Variants in HIRA observed in about 807,000 individuals in gnomAD.
The protein encoded by HIRA is protein HIRA.
Under a neutral mutation model 126.6 loss-of-function variants are expected in HIRA, and 13 were observed. The ratio of observed to expected loss-of-function variants is 0.10; its 90% CI spans 0.07 to 0.16. The LOEUF is 0.16. Among genes scored for constraint, HIRA ranks in the 10% least tolerant of loss-of-function variants. HIRA has a pLI of 1.00. For missense variants in HIRA, 834 were observed against 1,314.4 expected (o/e 0.63, Z 5.65); for synonymous variants, 511 against 520.0 (o/e 0.98, Z 0.24).
At chr22:19,387,590 A>T in intron 11 of HIRA, 121 bp downstream of exon 11, 7 of 650,872 alleles carry the variant, frequency 1.1e-5, no homozygotes, top group Middle Eastern at 2.5e-4. Flanking sequence ...ATACCCCATT[A>T]CATGTTAAGA....
intron 15 of HIRA, among the ~76,000 whole-genome samples, chr22:19,373,931 C>CTTTTTTTTTTTTTT (rs1254884863): frequency 1.3e-5 from 2 of 149,794 alleles, no homozygotes. Flanking sequence ...ACTGCTCTGG[C>CTTTTTTTTTTTTTT]TTTTTTGTTC....
chr22:19,399,098 C>G (rs921836626), intron 5 of HIRA: 2 of 984,216 alleles, frequency 2.0e-6, no homozygotes, highest in African/African-American at 3.5e-5. Flanking sequence ...CGATGAGGGT[C>G]CGCTGTGACG....
Position 19,429,133 on chromosome 22 carries a change from C to CTTTT in HIRA, c.37+2303_37+2306dup, listed in dbSNP as rs57853722. Among the ~76,000 whole-genome samples the CTTTT allele has an allele frequency of 2.4e-3, 183 of 77,272 alleles. 3 individuals are homozygous for CTTTT. Among genetic ancestry groups the CTTTT allele is most frequent in the Non-Finnish European group, 2.7e-3 (120 of 44,090 alleles). The allele number at this position is 77,272 out of a possible 152,430, so 50.7% of individuals were successfully genotyped here. On this transcript the variant is annotated intron_variant, in intron 1 of 24. Coordinates refer to ENST00000263208, the MANE Select transcript of HIRA (RefSeq NM_003325.4). ...TCCCATCCTGCCAGAGTTGCCATAT[C>CTTTT]TTTTTTTTTTTTTTTTTTTTTTTTT...
At chr22:19,346,467 A>G (rs2069457612) in intron 24 of HIRA, among the ~76,000 whole-genome samples, 1 of 152,278 alleles carries the variant, frequency 6.6e-6, no homozygotes, top group African/African-American at 2.4e-5. Context: ...ACAGAAAAAA[A>G]GGAACAAATT....
In HIRA at chr22:19,331,129, T is replaced by C. The variant is rs575500782; in HGVS notation, c.*311A>G. The stretch of plus-strand genomic sequence containing the variant: ...GCAGCAGCAGGGGCTAGTGTCCACC[T>C]TGGGGCCGTGCTGGAGACGGCAGGC... On this transcript the variant is annotated 3_prime_UTR_variant, in exon 25 of 25. Coordinates refer to ENST00000263208, the MANE Select transcript of HIRA (RefSeq NM_003325.4). The C allele has an allele frequency of 1.9e-5, 25 of 1,301,788 alleles. No individual in the cohort carries two copies. In the Admixed American group the frequency reaches 4.7e-4, roughly 25 times the overall value. The allele number at this position is 1,301,788 out of a possible 1,614,324, so 80.6% of individuals were successfully genotyped here.
intron 8 of HIRA, among the ~76,000 whole-genome samples, chr22:19,393,847 A>G (rs988054113): frequency 1.3e-5 from 2 of 152,204 alleles, no homozygotes; most frequent in Non-Finnish European, 2.9e-5. Context: ...CTGTCAGGAC[A>G]CTATTTAATT....
chr22:19,364,029 C>T (rs1311207875), intron 15 of HIRA, among the ~76,000 whole-genome samples: 2 of 152,070 alleles, frequency 1.3e-5, no homozygotes, highest in East Asian at 1.9e-4. Context: ...TGACGGTGTG[C>T]CCCACTCTGG....
chr22:19,426,190 A>C (rs2089487065), intron 1 of HIRA, among the ~76,000 whole-genome samples: 1 of 152,068 alleles, frequency 6.6e-6, no homozygotes, highest in Admixed American at 6.5e-5. Context: ...CATCTCACCA[A>C]GACTAGAAAT....
Position 19,356,373 on chromosome 22 carries a change from T to C in HIRA, c.2397-85A>G, listed in dbSNP as rs2088812055. On this transcript the variant is annotated intron_variant, in intron 19 of 24. Transcript: ENST00000263208. ...CTTGGCTGCTCAGACACCCTGGCCC[T>C]ACTGCATGCGACCCTAACCCTGGCC... 6.8e-6 allele frequency: 8 copies of C among 1,178,256 alleles called. No homozygotes were observed. The East Asian group carries it at 1.9e-4, about 28-fold the overall frequency. 73.0% of individuals were successfully genotyped at this position (1,178,256 alleles called of 1,614,324 possible). A position where few individuals can be genotyped will look rare whatever the true frequency, so the allele number is the denominator to read the frequency against.
intron 12 of HIRA, among the ~76,000 whole-genome samples, chr22:19,384,431 T>C (rs760764420): frequency 6.6e-6 from 1 of 151,884 alleles, no homozygotes; most frequent in Admixed American, 6.6e-5. Context: ...TATATGTCAA[T>C]TGTACTTCAA....
At chr22:19,332,623 T>TAA (rs1179038893) in intron 24 of HIRA, among the ~76,000 whole-genome samples, 1 of 139,048 alleles carries the variant, frequency 7.2e-6, no homozygotes. Flanking sequence ...AAGAGAATGG[T>TAA]AAAAAAAAAA....
chr22:19,413,863 G>A (rs1217034706), intron 1 of HIRA, among the ~76,000 whole-genome samples: 1 of 152,036 alleles, frequency 6.6e-6, no homozygotes, highest in African/African-American at 2.4e-5. Context: ...GACCACCTCA[G>A]CCTCCCAAAG....
At chr22:19,396,334 G>A (rs2146230133) in intron 7 of HIRA, among the ~76,000 whole-genome samples, 1 of 152,258 alleles carries the variant, frequency 6.6e-6, no homozygotes, top group African/African-American at 2.4e-5. Flanking sequence ...TGGCCAACAT[G>A]GCGAAACCGC....
chr22:19,331,370 C>G lies in HIRA; in HGVS notation c.*70G>C. The stretch of plus-strand genomic sequence containing the variant: ...CCCTACAGCCTGGTCAGGTGAGAGG[C>G]GGTCCTGCATGTCATCAGCGGCGAG... On this transcript the variant is annotated 3_prime_UTR_variant, in exon 25 of 25. Coordinates refer to ENST00000263208, the MANE Select transcript of HIRA (RefSeq NM_003325.4). The G allele has an allele frequency of 6.2e-7, 1 of 1,606,798 alleles. No homozygotes were observed. The highest frequency in any genetic ancestry group is 8.5e-7 in the Non-Finnish European group (1 of 1,179,052).
At chr22:19,362,653 T>C (rs2088875123) in intron 15 of HIRA, among the ~76,000 whole-genome samples, 2 of 151,948 alleles carry the variant, frequency 1.3e-5, no homozygotes, top group East Asian at 2.0e-4. Flanking sequence ...ATCCACCTAC[T>C]GGGGTCAAGT....
chr22:19,394,194 G>T, intron 8 of HIRA, 148 bp downstream of exon 8: 2 of 939,786 alleles, frequency 2.1e-6, no homozygotes, highest in Non-Finnish European at 3.1e-6. Context: ...ATGTTCACAT[G>T]TAAAGTTTGC....
At chr22:19,383,200 G>C (rs2089092537) in intron 13 of HIRA, among the ~76,000 whole-genome samples, 2 of 151,958 alleles carry the variant, frequency 1.3e-5, no homozygotes, top group African/African-American at 4.8e-5. Context: ...GACTGTATCT[G>C]ATTATGGATA....
rs575951217 is a variant in HIRA at position 19,346,654 on chromosome 22, G to A, written c.2937+4704C>T. On this transcript the variant is annotated intron_variant, in intron 24 of 24. Coordinates refer to ENST00000263208, the MANE Select transcript of HIRA (RefSeq NM_003325.4). ...TGCCCAAGTGATTTAATGGTTGCCT[G>A]TGAGGCACAGACTAGTTTCTGGGAG... 1.3e-4 allele frequency among the ~76,000 whole-genome samples: 20 copies of A among 152,346 alleles called. 1 individual carries two copies. The South Asian group carries it at 4.1e-3, about 32-fold the overall frequency.
chr22:19,397,861 A>G (rs1315591767), intron 6 of HIRA, 131 bp downstream of exon 6: 1 of 603,392 alleles, frequency 1.7e-6, no homozygotes, highest in East Asian at 2.8e-5. Flanking sequence ...AGAAAAACTG[A>G]CAAGACACAT....
Sources: allele counts gnomAD v4.1 joint callset (sites outside exome capture counted in the v4.1 genomes callset), GRCh38; gene constraint gnomAD v4.1.1; transcripts MANE v1.5; gene names NCBI Gene and HGNC (gene_info 2026-07-23, HGNC 2026-07-21).